The following MPP7 variants were observed in gnomAD, a reference collection of about 807,000 sequenced individuals.
MPP7 encodes the protein MAGUK p55 scaffold protein 7, also known as MAGUK p55 subfamily member 7.
A neutral mutation model predicts 76.5 loss-of-function variants in MPP7; 60 were observed. The ratio of observed to expected loss-of-function variants is 0.78; its 90% confidence interval spans 0.64 to 0.97. The LOEUF is 0.97. MPP7 is among the 50% of genes least tolerant of loss of function. The pLI, the probability that MPP7 is intolerant of heterozygous loss-of-function variation, is 0.00. For missense variants in MPP7, 641 were observed against 694.0 expected (o/e 0.92, Z 0.86); for synonymous variants, 237 against 244.5 (o/e 0.97, Z 0.29).
chr10:28,078,516 A>G lies in MPP7; in HGVS notation c.1124-8664T>C, dbSNP rs543522839. ...TTAAAAATGATTTTGGAGCTTATTA[A>G]TCTGGAATTCAGGCAGTAAACTAAA... is the stretch of plus-strand genomic sequence containing the variant. On this transcript the variant is annotated intron_variant, in intron 12 of 16. Transcript: ENST00000683449. Among the ~76,000 whole-genome samples the G allele has an allele frequency of 9.2e-5, 14 of 152,380 alleles. No individual in the cohort carries two copies. In the South Asian group the frequency reaches 2.7e-3, roughly 29 times the overall value.
At chr10:28,247,756 G>A (rs181596160) in intron 1 of MPP7, among the ~76,000 whole-genome samples, 47 of 152,284 alleles carry the variant, frequency 3.1e-4, no homozygotes, top group Middle Eastern at 3.4e-3. Flanking sequence ...TTATGAACTA[G>A]AAGAGAATCT....
At chr10:28,108,354 G>T (rs1487405785) in intron 11 of MPP7, among the ~76,000 whole-genome samples, 1 of 152,122 alleles carries the variant, frequency 6.6e-6, no homozygotes, top group African/African-American at 2.4e-5. Context: ...TGAAGCAGCT[G>T]ATCTCTAAAT....
intron 2 of MPP7, among the ~76,000 whole-genome samples, chr10:28,234,595 C>T (rs1839004975): frequency 6.6e-6 from 1 of 152,166 alleles, no homozygotes; most frequent in Non-Finnish European, 1.5e-5. Flanking sequence ...ATCGAGTTGA[C>T]AGAATATACC....
chr10:28,269,525 CTTT>C (rs111580419), intron 1 of MPP7, among the ~76,000 whole-genome samples: 7 of 139,094 alleles, frequency 5.0e-5, no homozygotes, highest in Admixed American at 7.3e-5. Flanking sequence ...TTGTTTTTAT[CTTT>C]TTTTTTTTTT....
chr10:28,280,847 T>C lies in MPP7; in HGVS notation c.-132+22014A>G, dbSNP rs1035227230. 3.0e-4 allele frequency among the ~76,000 whole-genome samples: 45 copies of C among 152,110 alleles called. 1 individual carries two copies. The highest frequency in any genetic ancestry group is 1.0e-3 in the African/African-American group (42 of 41,404). On this transcript the variant is annotated intron_variant, in intron 1 of 16. Coordinates refer to ENST00000683449, the MANE Select transcript of MPP7 (RefSeq NM_001318170.2). Reference sequence around the variant, plus strand: ...CTGTCCCATGAGAGACAAATGGGCATGTGCCTGGCAAAGCAATACAGGGTG... The same window carrying C: ...CTGTCCCATGAGAGACAAATGGGCACGTGCCTGGCAAAGCAATACAGGGTG...
At chr10:28,078,397 A>C (rs73606045) in intron 12 of MPP7, among the ~76,000 whole-genome samples, 4,536 of 152,354 alleles carry the variant, frequency 0.03, 216 homozygotes, top group African/African-American at 0.1. Flanking sequence ...GGCCTGGGCC[A>C]CAGACACTGG....
At chr10:28,295,537 A>G (rs1215508072) in intron 1 of MPP7, among the ~76,000 whole-genome samples, 1 of 151,244 alleles carries the variant, frequency 6.6e-6, no homozygotes, top group African/African-American at 2.4e-5. Context: ...CATGACTTCA[A>G]CAGTCTTCCC....
At chr10:28,220,371 C>T (rs1564711485) in intron 2 of MPP7, among the ~76,000 whole-genome samples, 3 of 152,102 alleles carry the variant, frequency 2.0e-5, no homozygotes, top group East Asian at 3.8e-4. Context: ...CTATAACCAT[C>T]CTTTCCAAAA....
intron 11 of MPP7, among the ~76,000 whole-genome samples, chr10:28,109,971 A>C (rs1834453939): frequency 6.6e-6 from 1 of 150,554 alleles, no homozygotes; most frequent in African/African-American, 2.4e-5. Flanking sequence ...TTAAAGTGAT[A>C]TTTTTAAACA....
intron 11 of MPP7, among the ~76,000 whole-genome samples, chr10:28,102,874 C>T (rs961237649): frequency 6.6e-6 from 1 of 152,194 alleles, no homozygotes; most frequent in Non-Finnish European, 1.5e-5. Context: ...CAATCCATTC[C>T]CAACAGATCA....
chr10:28,147,498 T>G lies in MPP7; in HGVS notation c.300A>C (p.Ser100=). Residue 100 remains serine (S), a synonymous_variant, in exon 5 of 17, where the codon TCA becomes TCC. Transcript: ENST00000683449. ...ATGTCCTCACCTTCACATTGGGTTT[T>G]GACAGTAGTTTCAACAGCTCTCTGA... ...SEIRELLKLL[S]KPNVKALLSV... 3 of 1,614,038 alleles carry G rather than the reference T, an allele frequency of 1.9e-6. No individual in the cohort carries two copies. Among genetic ancestry groups the G allele is most frequent in the Non-Finnish European group, 2.5e-6 (3 of 1,179,866 alleles).
At position 28,266,394 on chromosome 10, in the gene MPP7, C is replaced by T. The variant is rs117217173; in HGVS notation, c.-131-27659G>A. On this transcript the variant is annotated intron_variant, in intron 1 of 16. Transcript: ENST00000683449. ...CTCAAATTGTAACATCAAGCTCTGC[C>T]ACCTCCCACAACTTCTGCGCTTCAG... is the stretch of plus-strand genomic sequence containing the variant. Among the ~76,000 whole-genome samples the T allele has an allele frequency of 6.2e-4, 94 of 152,192 alleles. No individual in the cohort carries two copies. The East Asian group carries it at 0.017, about 27-fold the overall frequency.
At chr10:28,311,948 T>A (rs577475894) in intron 2 of MPP7, among the ~76,000 whole-genome samples, 5 of 152,194 alleles carry the variant, frequency 3.3e-5, no homozygotes, top group Non-Finnish European at 7.4e-5. Context: ...TTAGCTTTTT[T>A]AAAAAAAAGA....
intron 1 of MPP7, among the ~76,000 whole-genome samples, chr10:28,292,925 C>CACT (rs1840954090): frequency 6.6e-6 from 1 of 151,258 alleles, no homozygotes; most frequent in Non-Finnish European, 1.5e-5. Context: ...CATCACAAAC[C>CACT]ACTAGGTTAT....
chr10:28,163,038 G>A (rs1231692409), intron 3 of MPP7, among the ~76,000 whole-genome samples: 2 of 152,216 alleles, frequency 1.3e-5, no homozygotes, highest in East Asian at 1.9e-4. Flanking sequence ...CATCTGCAAA[G>A]TCCCTTTTGT....
At chr10:28,210,932 T>A (rs914547741) in intron 2 of MPP7, among the ~76,000 whole-genome samples, 9 of 152,312 alleles carry the variant, frequency 5.9e-5, no homozygotes, top group African/African-American at 1.7e-4. Flanking sequence ...CTTCCCTCTA[T>A]CCACACTATA....
intron 7 of MPP7, among the ~76,000 whole-genome samples, chr10:28,124,684 C>T (rs545228795): frequency 8.7e-4 from 132 of 151,428 alleles, no homozygotes; most frequent in Non-Finnish European, 1.2e-3. Flanking sequence ...AGGGTTTCAC[C>T]GTGTTAGCCA....
intron 13 of MPP7, among the ~76,000 whole-genome samples, chr10:28,062,098 C>G (rs1031317112): frequency 6.6e-6 from 1 of 151,968 alleles, no homozygotes; most frequent in African/African-American, 2.4e-5. Context: ...TAAATGTAAA[C>G]GTCTACTTTT....
At chr10:28,280,478 T>G (rs1840636854) in intron 1 of MPP7, among the ~76,000 whole-genome samples, 1 of 152,074 alleles carries the variant, frequency 6.6e-6, no homozygotes, top group African/African-American at 2.4e-5. Context: ...CATTCATTTT[T>G]TTGTTAGTAT....
Sources: gnomAD v4.1 joint callset for allele counts (sites outside exome capture counted in the v4.1 genomes callset) on GRCh38, gnomAD v4.1.1 for gene constraint, MANE v1.5 for transcripts, NCBI Gene and HGNC (gene_info 2026-07-23, HGNC 2026-07-21) for gene names.